The following TBC1D5 variants were observed in gnomAD, a reference collection of about 807,000 sequenced individuals.
TBC1D5 encodes TBC1 domain family member 5.
In TBC1D5, 75 loss-of-function variants were observed where a neutral mutation model predicts 100.3. The ratio of observed to expected loss-of-function variants is 0.75; its 90% CI spans 0.62 to 0.91. The LOEUF (loss-of-function observed/expected upper bound fraction) is 0.91, where lower values mean the gene tolerates loss of function less well. TBC1D5 is among the 40% of genes least tolerant of loss of function. The pLI, the probability that TBC1D5 is intolerant of heterozygous loss-of-function variation, is 0.00. For missense variants in TBC1D5, 910 were observed against 942.4 expected (o/e 0.97, Z 0.45); for synonymous variants, 323 against 325.6 (o/e 0.99, Z 0.09).
intron 17 of TBC1D5, among the ~76,000 whole-genome samples, chr3:17,231,236 A>G (rs1024835946): frequency 7.9e-5 from 12 of 152,144 alleles, no homozygotes; most frequent in Admixed American, 2.6e-4. Context: ...TTCCGGGGGT[A>G]AGTATGCAAT....
intron 2 of TBC1D5, among the ~76,000 whole-genome samples, chr3:17,545,089 ATTT>A (rs565995639): frequency 6.6e-6 from 1 of 151,770 alleles, no homozygotes; most frequent in Non-Finnish European, 1.5e-5. Flanking sequence ...AAAAGCTGTG[ATTT>A]TTTTTTATTT....
Position 17,264,861 on chromosome 3 carries a change from T to A in TBC1D5, c.1246-6270A>T, listed in dbSNP as rs183502057. 5.3e-5 allele frequency among the ~76,000 whole-genome samples: 8 copies of A among 152,332 alleles called. No individual in the cohort carries two copies. The East Asian group carries it at 1.5e-3, about 29-fold the overall frequency. ...GTTACGTTTTGATACCACTGAGCAC[T>A]GACAGACATGAATCAGAGGGCAGGT... On this transcript the variant is annotated intron_variant, in intron 15 of 21. Coordinates refer to ENST00000253692, the Ensembl canonical transcript of TBC1D5.
chr3:17,588,778 A>C (rs1424944305), intron 2 of TBC1D5, among the ~76,000 whole-genome samples: 1 of 152,192 alleles, frequency 6.6e-6, no homozygotes. Context: ...TCATAAATAC[A>C]CTTCAATCTG....
intron 3 of TBC1D5, among the ~76,000 whole-genome samples, chr3:17,435,457 A>G (rs2094518815): frequency 6.6e-6 from 1 of 152,190 alleles, no homozygotes; most frequent in African/African-American, 2.4e-5. Context: ...GGGGAAGCAA[A>G]TATGTCCTTC....
At chr3:17,517,631 T>C (rs911577648) in intron 2 of TBC1D5, among the ~76,000 whole-genome samples, 3 of 152,202 alleles carry the variant, frequency 2.0e-5, no homozygotes, top group African/African-American at 4.8e-5. Context: ...TTTTTGATTA[T>C]AAAAGCAGAG....
At chr3:17,524,028 C>T (rs2096096953) in intron 2 of TBC1D5, among the ~76,000 whole-genome samples, 1 of 151,922 alleles carries the variant, frequency 6.6e-6, no homozygotes, top group African/African-American at 2.4e-5. Context: ...TTTGATCATC[C>T]CAACCATCTA....
intron 3 of TBC1D5, among the ~76,000 whole-genome samples, chr3:17,461,542 C>A (rs1164244172): frequency 1.3e-5 from 2 of 152,174 alleles, no homozygotes; most frequent in African/African-American, 4.8e-5. Flanking sequence ...AAAAAATAAC[C>A]ATCAGAATAA....
At chr3:17,642,112 T>A (rs2064569475) in intron 1 of TBC1D5, among the ~76,000 whole-genome samples, 1 of 152,168 alleles carries the variant, frequency 6.6e-6, no homozygotes, top group Non-Finnish European at 1.5e-5. Flanking sequence ...TTAATAATCT[T>A]ATAACATTTA....
chr3:17,419,826 C>T (rs1322866473), intron 4 of TBC1D5, among the ~76,000 whole-genome samples: 1 of 152,080 alleles, frequency 6.6e-6, no homozygotes, highest in Non-Finnish European at 1.5e-5. Context: ...GAGGCATGTG[C>T]CACCATGCCT....
intron 20 of TBC1D5, 38 bp downstream of exon 21, chr3:17,167,711 C>T (rs745719470): frequency 9.4e-6 from 15 of 1,590,438 alleles, no homozygotes; most frequent in African/African-American, 2.7e-5. Flanking sequence ...CCGCGGCAGG[C>T]GGGACACAAA....
chr3:17,313,515 A>G (rs1268527631), intron 13 of TBC1D5, among the ~76,000 whole-genome samples: 1 of 152,196 alleles, frequency 6.6e-6, no homozygotes, highest in Non-Finnish European at 1.5e-5. Context: ...GCTAAAAATA[A>G]TTACTCCTAT....
intron 19 of TBC1D5, among the ~76,000 whole-genome samples, chr3:17,181,756 A>T (rs1328221895): frequency 6.6e-6 from 1 of 152,192 alleles, no homozygotes; most frequent in African/African-American, 2.4e-5. Flanking sequence ...GGTCCCTTGG[A>T]AAGTCCCTCT....
chr3:17,528,803 T>C (rs181072947), intron 2 of TBC1D5, among the ~76,000 whole-genome samples: 54 of 152,218 alleles, frequency 3.5e-4, no homozygotes, highest in African/African-American at 1.3e-3. Flanking sequence ...ACAAAACAAG[T>C]AGAAACAAAT....
intron 17 of TBC1D5, among the ~76,000 whole-genome samples, chr3:17,226,636 C>T (rs1451428227): frequency 3.3e-5 from 5 of 152,152 alleles, no homozygotes; most frequent in African/African-American, 1.2e-4. Context: ...AGGTGGACAA[C>T]TCTAGAGGAC....
intron 17 of TBC1D5, among the ~76,000 whole-genome samples, chr3:17,217,862 G>T (rs1035842464): frequency 1.3e-5 from 2 of 151,922 alleles, no homozygotes; most frequent in African/African-American, 4.8e-5. Context: ...CTGCTTAATT[G>T]GATGAAGTCT....
At chr3:17,548,055 C>T (rs2096435709) in intron 2 of TBC1D5, among the ~76,000 whole-genome samples, 1 of 152,158 alleles carries the variant, frequency 6.6e-6, no homozygotes, top group African/African-American at 2.4e-5. Context: ...TGGCTCATGC[C>T]TGTAATCCCA....
intron 1 of TBC1D5, among the ~76,000 whole-genome samples, chr3:17,719,165 A>C (rs192503631): frequency 2.0e-3 from 311 of 152,084 alleles, no homozygotes; most frequent in Non-Finnish European, 3.3e-3. Flanking sequence ...TATTTAAGAC[A>C]AAAAAAACTA....
At chr3:17,624,921 C>T (rs1157580970) in intron 1 of TBC1D5, among the ~76,000 whole-genome samples, 1 of 152,052 alleles carries the variant, frequency 6.6e-6, no homozygotes, top group African/African-American at 2.4e-5. Flanking sequence ...AATTTAAAGT[C>T]CATAATCATC....
At chr3:17,681,175 C>G (rs922930169) in intron 1 of TBC1D5, among the ~76,000 whole-genome samples, 1 of 151,576 alleles carries the variant, frequency 6.6e-6, no homozygotes, top group African/African-American at 2.4e-5. Flanking sequence ...CATACCGTAA[C>G]TAACTGGAGG....
Sources: allele counts gnomAD v4.1 joint callset (sites outside exome capture counted in the v4.1 genomes callset), GRCh38; gene constraint gnomAD v4.1.1; transcripts MANE v1.5; gene names NCBI Gene and HGNC (gene_info 2026-07-23, HGNC 2026-07-21).